The following CDCA7 variants were observed in gnomAD, a reference collection of about 807,000 sequenced individuals.
The protein encoded by CDCA7 is cell division cycle-associated protein 7.
Under a neutral mutation model 54.0 loss-of-function variants are expected in CDCA7, and 28 were observed. The observed-to-expected ratio is 0.52, with a 90% CI of 0.38 to 0.71. The LOEUF is 0.71. Among genes scored for constraint, CDCA7 ranks in the 30% least tolerant of loss-of-function variants. CDCA7 has a pLI of 0.00. For missense variants in CDCA7, 484 were observed against 586.0 expected (o/e 0.83, Z 1.80); for synonymous variants, 180 against 208.2 (o/e 0.86, Z 1.16).
Position 173,366,123 on chromosome 2 carries a change from T to A in CDCA7, c.1036-160T>A, listed in dbSNP as rs796839253. On this transcript the variant is annotated intron_variant, in intron 7 of 9. Transcript: ENST00000306721. The surrounding 1 kb of genome is among the most constrained non-coding windows in gnomAD (Gnocchi z 4.5). ...TACAGGTGTGAGCCACTGCACCTGGTTGAGTTATTTTTCATACCCTGGCAT... is the reference window on the plus strand; with the variant it reads ...TACAGGTGTGAGCCACTGCACCTGGATGAGTTATTTTTCATACCCTGGCAT... Among the ~76,000 whole-genome samples, 1 of 152,034 alleles carries A rather than the reference T, an allele frequency of 6.6e-6. No homozygotes were observed. Among genetic ancestry groups the A allele is most frequent in the Non-Finnish European group, 1.5e-5 (1 of 68,006 alleles).
chr2:173,354,900 C>A lies in CDCA7; in HGVS notation c.-64C>A. ...GCTGCTGCTCCTCCTGCTGTGGGAC[C>A]GCTGACCGCGCGGCTGCTCCGCTCT... On this transcript the variant is annotated 5_prime_UTR_variant, in exon 1 of 10. Transcript: ENST00000306721. 4 of 1,473,550 alleles carry A rather than the reference C, an allele frequency of 2.7e-6. No homozygotes were observed. Among genetic ancestry groups the A allele is most frequent in the Non-Finnish European group, 1.8e-6 (2 of 1,119,372 alleles). 91.3% of individuals were successfully genotyped at this position (1,473,550 alleles called of 1,614,324 possible).
intron 3 of CDCA7, among the ~76,000 whole-genome samples, chr2:173,360,519 A>C (rs1003208069): frequency 6.6e-6 from 1 of 152,194 alleles, no homozygotes; most frequent in African/African-American, 2.4e-5. Flanking sequence ...TGCACTGTCA[A>C]CCAGGCTGGA....
At chr2:173,359,723 A>T (rs1191140813) in intron 3 of CDCA7, among the ~76,000 whole-genome samples, 1 of 152,236 alleles carries the variant, frequency 6.6e-6, no homozygotes, top group East Asian at 1.9e-4. Context: ...CTGGTAAGAT[A>T]AAATTGGCCA....
rs747471184 is a variant in CDCA7, at chr2:173,364,916, C to G, written c.821C>G (p.Pro274Arg). 7.5e-6 allele frequency: 12 copies of G among 1,609,120 alleles called. No individual in the cohort carries two copies. The highest frequency in any genetic ancestry group is 1.3e-5 in the African/African-American group (1 of 74,574). Residue 274 changes from proline to arginine, a missense_variant, in exon 6 of 10, where the codon CCC becomes CGC. Around this residue, in one of 3 missense-constraint regions of CDCA7, gnomAD observed 398 missense variants for 447.4 expected, o/e 0.89. Transcript: ENST00000306721. ...SRILGSLDAL[P>R]MEEEEEEDKY... is the part of the protein sequence containing the mutation. ...ATCCTCGGGTCCCTTGACGCTCTAC[C>G]CATGGAGGAGGAGGAGGAAGAGGAT...
In CDCA7 at chr2:173,359,362, A is replaced by G. The variant is rs981934091; in HGVS notation, c.255A>G (p.Val85=). ...CGFSESEVQD[V]LDHCGFLQKP... is the part of the protein sequence containing the mutation. The stretch of plus-strand genomic sequence containing the variant: ...TTTCAGAAAGTGAGGTGCAAGATGT[A>G]TTAGACCATTGTGGATTTTTACAGA... The change falls in exon 3 of 10, where the codon GTA becomes GTG. Residue 85 remains valine, a synonymous_variant. Coordinates refer to ENST00000306721, the MANE Select transcript of CDCA7 (RefSeq NM_031942.5). 2 of 1,614,072 alleles carry G rather than the reference A, an allele frequency of 1.2e-6. No homozygotes were observed. The highest frequency in any genetic ancestry group is 2.7e-5 in the African/African-American group (2 of 74,938).
Position 173,365,006 on chromosome 2 carries a change from G to A in CDCA7, c.894+17G>A. 6.5e-7 allele frequency: 1 copy of A among 1,550,226 alleles called. No individual in the cohort carries two copies. Among genetic ancestry groups the A allele is most frequent in the Non-Finnish European group, 8.6e-7 (1 of 1,156,340 alleles). On this transcript the variant is annotated intron_variant, in intron 6 of 9. Coordinates refer to ENST00000306721, the MANE Select transcript of CDCA7 (RefSeq NM_031942.5). ...TACATGAATGTGAGTTCTCCGCATT[G>A]GTACTTGCTCTTCTGATTCTCATCT...
At chr2:173,365,320 A>G (rs1686699574) in intron 6 of CDCA7, 132 bp from the exon 7 acceptor site, 6 of 1,012,642 alleles carry the variant, frequency 5.9e-6, no homozygotes, top group Admixed American at 2.8e-5. Context: ...CAAGTCAAGT[A>G]TCTGAGATTC....
At position 173,354,905 on chromosome 2, in the gene CDCA7, A is replaced by C. The variant is rs1686463477; in HGVS notation, c.-59A>C. ...TGCTCCTCCTGCTGTGGGACCGCTG[A>C]CCGCGCGGCTGCTCCGCTCTCCCCG... On this transcript the variant is annotated 5_prime_UTR_variant, in exon 1 of 10. Transcript: ENST00000306721. 9.2e-6 allele frequency: 13 copies of C among 1,410,256 alleles called. No individual in the cohort carries two copies. Among genetic ancestry groups the C allele is most frequent in the Non-Finnish European group, 1.2e-5 (13 of 1,081,380 alleles). The allele number at this position is 1,410,256 out of a possible 1,614,324, so 87.4% of individuals were successfully genotyped here. A position where few individuals can be genotyped will look rare whatever the true frequency, so the allele number is the denominator to read the frequency against.
Position 173,364,820 on chromosome 2 carries a change from C to T in CDCA7, c.725C>T (p.Thr242Ile). The T allele has an allele frequency of 6.2e-7, 1 of 1,609,620 alleles. No individual in the cohort carries two copies. The highest frequency in any genetic ancestry group is 1.1e-5 in the South Asian group (1 of 90,040). The change falls in exon 6 of 10, where the codon ACA becomes ATA. Residue 242 changes from threonine to isoleucine, a missense_variant. Thr to Ile is a moderately conservative substitution (Grantham distance 89). Around this residue, in one of 3 missense-constraint regions of CDCA7, gnomAD observed 398 missense variants for 447.4 expected, o/e 0.89. Coordinates refer to ENST00000306721, the MANE Select transcript of CDCA7 (RefSeq NM_031942.5). ...CAATCAAGGAGACCGCGAAGGCGTA[C>T]ATTCCCGGGTGTTGCTTCCAGGAGA... ...DSQSRRPRRR[T>I]FPGVASRRNP...
intron 1 of CDCA7, among the ~76,000 whole-genome samples, chr2:173,356,849 T>A (rs1024013404): frequency 6.6e-6 from 1 of 152,224 alleles, no homozygotes; most frequent in Admixed American, 6.5e-5. Context: ...TTACACGTTG[T>A]CCTGCCTTGT....
intron 4 of CDCA7, 89 bp from the exon 5 acceptor site, chr2:173,363,729 A>G: frequency 7.9e-7 from 1 of 1,271,462 alleles, no homozygotes; most frequent in Admixed American, 1.8e-5. Context: ...AAACCATGAG[A>G]TGTACTTGAG....
chr2:173,366,531 T>C lies in CDCA7; in HGVS notation c.1185+99T>C. 2 of 1,447,156 alleles carry C rather than the reference T, an allele frequency of 1.4e-6. No individual in the cohort carries two copies. Among genetic ancestry groups the C allele is most frequent in the East Asian group, 4.6e-5 (2 of 43,522 alleles). 89.6% of individuals were successfully genotyped at this position (1,447,156 alleles called of 1,614,324 possible). ...ATTGGTGAAGGGGTGGAGCCCTTTC[T>C]GTTATGGGGTGCTCTTCTTTTTTTT... On this transcript the variant is annotated intron_variant, in intron 8 of 9. Transcript: ENST00000306721. This position sits in a 1 kb window ranked among gnomAD's most constrained non-coding sequence, Gnocchi z 4.5.
chr2:173,355,082 C>T (rs1394627883), intron 1 of CDCA7, 98 bp downstream of exon 1: 15 of 1,221,510 alleles, frequency 1.2e-5, no homozygotes, highest in South Asian at 6.5e-5. Context: ...CCTAGCGCTG[C>T]CTTAACTGGT....
Position 173,366,203 on chromosome 2 carries a change from G to T in CDCA7, c.1036-80G>T. 1 of 1,479,062 alleles carries T rather than the reference G, an allele frequency of 6.8e-7. No homozygotes were observed. 91.6% of individuals were successfully genotyped at this position (1,479,062 alleles called of 1,614,324 possible). The stretch of plus-strand genomic sequence containing the variant: ...AAATGTAAGCCTATACTACGAAGAG[G>T]GACATTCTGTAAATATGCCATTTCC... On this transcript the variant is annotated intron_variant, in intron 7 of 9. Transcript: ENST00000306721. The surrounding 1 kb of genome is among the most constrained non-coding windows in gnomAD (Gnocchi z 4.5).
In CDCA7 at chr2:173,368,189, T is replaced by C. The variant is rs1686757976; in HGVS notation, c.*525T>C. The C allele has an allele frequency of 6.4e-6, 1 of 156,218 alleles. No homozygotes were observed. The allele number at this position is 156,218 out of a possible 1,614,324, so 9.7% of individuals were successfully genotyped here. A position where few individuals can be genotyped will look rare whatever the true frequency, so the allele number is the denominator to read the frequency against. ...AAACCATGTGGAAAAATTAGGTAATTATTGCAGATTGATGTCTCTCAATCC... is the reference window on the plus strand; with the variant it reads ...AAACCATGTGGAAAAATTAGGTAATCATTGCAGATTGATGTCTCTCAATCC... On this transcript the variant is annotated 3_prime_UTR_variant, in exon 10 of 10. Transcript: ENST00000306721.
chr2:173,358,072 C>A (rs1454008039), intron 1 of CDCA7, among the ~76,000 whole-genome samples: 1 of 150,380 alleles, frequency 6.6e-6, no homozygotes, highest in African/African-American at 2.5e-5. Context: ...TGGTGGCGGG[C>A]GCCTGTAATC....
intron 1 of CDCA7, among the ~76,000 whole-genome samples, chr2:173,358,036 T>G (rs984375066): frequency 6.6e-6 from 1 of 151,672 alleles, no homozygotes; most frequent in Non-Finnish European, 1.5e-5. Flanking sequence ...CCGTCTCTAC[T>G]AAAAATACAA....
chr2:173,367,227 G>C lies in CDCA7; in HGVS notation c.1263G>C (p.Gly421=). 1 of 1,613,808 alleles carries C rather than the reference G, an allele frequency of 6.2e-7. No individual in the cohort carries two copies. The highest frequency in any genetic ancestry group is 8.5e-7 in the Non-Finnish European group (1 of 1,179,922). Residue 421 remains glycine, a synonymous_variant, in exon 9 of 10, where the codon GGG becomes GGC. Transcript: ENST00000306721. The stretch of plus-strand genomic sequence containing the variant: ...AGCGAGATGGACGGTGTGCGACTGG[G>C]GTCCTTGTGTATTTAGCCAAATATC... ...CRQRDGRCAT[G]VLVYLAKYHG...
intron 7 of CDCA7, 127 bp downstream of exon 7, chr2:173,365,719 C>T (rs527424731): frequency 4.7e-4 from 500 of 1,070,100 alleles, no homozygotes; most frequent in South Asian, 1.7e-3. Flanking sequence ...GTTTTTTTCA[C>T]ACAAGGAAGG....
Sources: allele counts gnomAD v4.1 joint callset (sites outside exome capture counted in the v4.1 genomes callset), GRCh38; gene constraint gnomAD v4.1.1; regional missense constraint gnomAD v4.1.1; non-coding constraint Gnocchi (gnomAD v3.1); transcripts MANE v1.5; gene names NCBI Gene and HGNC (gene_info 2026-07-23, HGNC 2026-07-21).